The following GALNT13 variants were observed in gnomAD, a reference collection of about 807,000 sequenced individuals.
GALNT13 encodes the protein polypeptide N-acetylgalactosaminyltransferase 13.
In GALNT13, 28 loss-of-function variants were observed where a neutral mutation model predicts 64.2. That is an observed-to-expected ratio of 0.44 (90% CI 0.32 to 0.60). The LOEUF (loss-of-function observed/expected upper bound fraction) is 0.60. Among genes scored for constraint, GALNT13 ranks in the 20% least tolerant of loss-of-function variants. GALNT13 has a pLI of 0.05. For missense variants in GALNT13, 577 were observed against 669.8 expected, an observed-to-expected ratio of 0.86 and a Z score of 1.53; for synonymous variants, 214 against 224.6, an observed-to-expected ratio of 0.95 and a Z score of 0.42.
intron 4 of GALNT13, among the ~76,000 whole-genome samples, chr2:154,151,727 G>C (rs1486998186): frequency 6.6e-6 from 1 of 152,120 alleles, no homozygotes; most frequent in Non-Finnish European, 1.5e-5. Context: ...TTTAAAGTCT[G>C]TTTTATCAGG....
At chr2:154,351,669 C>T (rs1334720613) in intron 9 of GALNT13, among the ~76,000 whole-genome samples, 14 of 103,024 alleles carry the variant, frequency 1.4e-4, no homozygotes, top group African/African-American at 3.4e-4. Context: ...GGCGACAAAG[C>T]GAGACTCCGT....
chr2:153,880,721 T>C (rs1686724179), intron 1 of GALNT13, among the ~76,000 whole-genome samples: 2 of 152,198 alleles, frequency 1.3e-5, no homozygotes, highest in African/African-American at 4.8e-5. Context: ...CTGAATATGG[T>C]GCAGATTTTA....
At chr2:153,178,010 A>T in the GALNT13 span, among the ~76,000 whole-genome samples, 1 of 152,142 alleles carries the variant, frequency 6.6e-6, no homozygotes. Context: ...ATGTTTCCCA[A>T]TTCCATCCAT....
chr2:154,223,448 CTTT>C (rs61230257), intron 4 of GALNT13, among the ~76,000 whole-genome samples: 5,517 of 124,066 alleles, frequency 0.044, 81 homozygotes, highest in Non-Finnish European at 0.056. Context: ...TTTTCTTTTT[CTTT>C]TTTTTTTTTT....
the GALNT13 span, among the ~76,000 whole-genome samples, chr2:153,675,490 A>G: frequency 1.3e-5 from 2 of 152,174 alleles, no homozygotes; most frequent in Non-Finnish European, 2.9e-5. Context: ...TGGGAGTTGA[A>G]TAACAAGAAC....
chr2:153,144,257 A>C, the GALNT13 span, among the ~76,000 whole-genome samples: 4 of 151,964 alleles, frequency 2.6e-5, no homozygotes, highest in Non-Finnish European at 5.9e-5. Flanking sequence ...CAGGTCCTGA[A>C]GGAAAGGAGA....
intron 11 of GALNT13, among the ~76,000 whole-genome samples, chr2:154,417,146 C>T (rs1574267414): frequency 2.0e-5 from 3 of 151,994 alleles, no homozygotes; most frequent in Admixed American, 6.6e-5. Context: ...TTGCCTCAGA[C>T]TTGAATTACT....
intron 10 of GALNT13, among the ~76,000 whole-genome samples, chr2:154,398,528 G>A (rs1013565521): frequency 3.3e-5 from 5 of 152,278 alleles, no homozygotes; most frequent in African/African-American, 1.2e-4. Context: ...TGGATCAGGT[G>A]ACCATATTTT....
chr2:154,209,027 C>T (rs1377508303), intron 4 of GALNT13, among the ~76,000 whole-genome samples: 1 of 151,870 alleles, frequency 6.6e-6, no homozygotes, highest in East Asian at 1.9e-4. Flanking sequence ...TGAAGACATC[C>T]CTTCTAAACT....
the GALNT13 span, among the ~76,000 whole-genome samples, chr2:153,263,492 G>T: frequency 6.6e-6 from 1 of 151,934 alleles, no homozygotes; most frequent in Non-Finnish European, 1.5e-5. Flanking sequence ...ATTGCTAAGA[G>T]AATCAATAGC....
intron 3 of GALNT13, among the ~76,000 whole-genome samples, chr2:154,022,586 TTTC>T (rs1697595061): frequency 6.6e-6 from 1 of 152,144 alleles, no homozygotes; most frequent in East Asian, 1.9e-4. Context: ...TCTTCTCTCT[TTTC>T]TTCTTTATTA....
the GALNT13 span, among the ~76,000 whole-genome samples, chr2:153,557,260 A>G: frequency 6.6e-6 from 1 of 152,146 alleles, no homozygotes; most frequent in Non-Finnish European, 1.5e-5. Context: ...GCCTAGGAGC[A>G]GCAGGCCATA....
chr2:154,197,321 C>A (rs1686930704), intron 4 of GALNT13, among the ~76,000 whole-genome samples: 1 of 151,954 alleles, frequency 6.6e-6, no homozygotes, highest in Non-Finnish European at 1.5e-5. Context: ...GGATAAGGGA[C>A]CAGAAACTTT....
chr2:154,026,158 A>G (rs1181977585), intron 3 of GALNT13, among the ~76,000 whole-genome samples: 1 of 152,174 alleles, frequency 6.6e-6, no homozygotes, highest in Non-Finnish European at 1.5e-5. Flanking sequence ...GAAGTGAGAA[A>G]TCTACTGGAA....
intron 1 of GALNT13, among the ~76,000 whole-genome samples, chr2:153,884,805 ATGTGTGTGTG>A (rs1365077072): frequency 5.2e-5 from 7 of 133,618 alleles, no homozygotes; most frequent in South Asian, 2.5e-4. Flanking sequence ...ATATATATAT[ATGTGTGTGTG>A]TGTGTATATA....
At chr2:153,618,423 C>T in the GALNT13 span, among the ~76,000 whole-genome samples, 1 of 151,756 alleles carries the variant, frequency 6.6e-6, no homozygotes, top group Non-Finnish European at 1.5e-5. Context: ...TGTATTAAGA[C>T]ATATTTTATT....
chr2:154,307,682 A>G (rs897417473), intron 9 of GALNT13, among the ~76,000 whole-genome samples: 12 of 152,156 alleles, frequency 7.9e-5, no homozygotes, highest in Non-Finnish European at 1.8e-4. Context: ...ATAGCATCAA[A>G]TACTATAGCA....
chr2:153,196,719 C>T, the GALNT13 span, among the ~76,000 whole-genome samples: 1 of 152,092 alleles, frequency 6.6e-6, no homozygotes, highest in South Asian at 2.1e-4. Context: ...GCACTGCTCC[C>T]CCACTGGTGG....
chr2:154,129,038 GT>G (rs577208054), intron 3 of GALNT13, among the ~76,000 whole-genome samples: 1 of 151,850 alleles, frequency 6.6e-6, no homozygotes, highest in African/African-American at 2.4e-5. Flanking sequence ...TTATTTTATT[GT>G]TTTTTTAGCA....
Sources: gnomAD v4.1 joint callset for allele counts (sites outside exome capture counted in the v4.1 genomes callset) on GRCh38, gnomAD v4.1.1 for gene constraint, MANE v1.5 for transcripts, NCBI Gene and HGNC (gene_info 2026-07-23, HGNC 2026-07-21) for gene names.